Variants in CFAP20DC observed in about 807,000 individuals in gnomAD.
CFAP20DC encodes the protein CFAP20 domain containing, also known as protein CFAP20DC.
In CFAP20DC, 84 loss-of-function variants were observed where a neutral mutation model predicts 101.7. The observed-to-expected ratio is 0.83, with a 90% CI of 0.69 to 0.99. The LOEUF is 0.99. CFAP20DC is among the 50% of genes least tolerant of loss of function. The pLI is 0.00. For missense variants in CFAP20DC, 1,007 were observed against 970.3 expected, an observed-to-expected ratio of 1.04 and a Z score of -0.50; for synonymous variants, 359 against 351.2, an observed-to-expected ratio of 1.02 and a Z score of -0.25.
chr3:58,937,459 G>A (rs762098933), intron 5 of CFAP20DC, among the ~76,000 whole-genome samples, 189 bp downstream of exon 5: 1 of 152,110 alleles, frequency 6.6e-6, no homozygotes, highest in Non-Finnish European at 1.5e-5. Context: ...TTTTATAGAT[G>A]TTCAAATAAT....
chr3:58,840,325 A>C lies in CFAP20DC; in HGVS notation c.1972-8436T>G, dbSNP rs895537320. Among the ~76,000 whole-genome samples the C allele has an allele frequency of 2.0e-5, 3 of 152,336 alleles. No homozygotes were observed. In the South Asian group the frequency reaches 6.2e-4, roughly 32 times the overall value. On this transcript the variant is annotated intron_variant, in intron 13 of 16. Coordinates refer to ENST00000482387, the MANE Select transcript of CFAP20DC (RefSeq NM_001394063.1). ...TAAAGGAAACATTCTCACTATGGTT[A>C]GCATTATGGTTTATGAACTGCTACT...
chr3:58,868,218 A>G lies in CFAP20DC; in HGVS notation c.1016-282T>C, dbSNP rs1267841249. Among the ~76,000 whole-genome samples, 5 of 152,180 alleles carry G rather than the reference A, an allele frequency of 3.3e-5. No homozygotes were observed. The highest frequency in any genetic ancestry group is 4.8e-5 in the African/African-American group (2 of 41,454). On this transcript the variant is annotated intron_variant, in intron 9 of 16. Transcript: ENST00000482387. This position sits in a 1 kb window ranked among gnomAD's most constrained non-coding sequence, Gnocchi z 4.6. ...ACTAATGTTAATCATACAACATGGC[A>G]TATTAAAAAACATTACAAAATGAAA...
intron 14 of CFAP20DC, among the ~76,000 whole-genome samples, chr3:58,806,811 T>C (rs2074105985): frequency 6.6e-6 from 1 of 152,178 alleles, no homozygotes; most frequent in Admixed American, 6.5e-5. Context: ...TTCCCTTTCC[T>C]AGTCAAAGAA....
chr3:58,812,947 C>T (rs1473384171), intron 14 of CFAP20DC, among the ~76,000 whole-genome samples: 1 of 151,774 alleles, frequency 6.6e-6, no homozygotes, highest in Admixed American at 6.6e-5. Flanking sequence ...CAAAACCAAA[C>T]AAGATATCTC....
chr3:58,782,847 T>C (rs1223073237), intron 15 of CFAP20DC, among the ~76,000 whole-genome samples: 1 of 152,044 alleles, frequency 6.6e-6, no homozygotes, highest in Non-Finnish European at 1.5e-5. Context: ...CCAAAAGCAA[T>C]CTACAGATTC....
intron 11 of CFAP20DC, 137 bp downstream of exon 11, chr3:58,866,429 A>G (rs1309213738): frequency 3.1e-6 from 2 of 655,268 alleles, no homozygotes; most frequent in Non-Finnish European, 4.9e-6. Context: ...TTGAGGTTAA[A>G]TAAGAAGATT....
chr3:58,746,006 A>T (rs2068170716), intron 16 of CFAP20DC, among the ~76,000 whole-genome samples: 1 of 152,202 alleles, frequency 6.6e-6, no homozygotes, highest in South Asian at 2.1e-4. Flanking sequence ...CATGGAAAAC[A>T]GGATATGTGA....
chr3:58,974,302 CTT>C (rs1443874032), intron 4 of CFAP20DC, among the ~76,000 whole-genome samples: 2 of 152,070 alleles, frequency 1.3e-5, no homozygotes, highest in Non-Finnish European at 2.9e-5. Context: ...TTGTTCCCCT[CTT>C]TGTGTCTGTG....
rs1050457938 is a variant in CFAP20DC at position 58,964,687 on chromosome 3, G to A, written c.279-26925C>T. Among the ~76,000 whole-genome samples the A allele has an allele frequency of 6.6e-6, 1 of 152,104 alleles. No individual in the cohort carries two copies. The highest frequency in any genetic ancestry group is 2.4e-5 in the African/African-American group (1 of 41,410). The stretch of plus-strand genomic sequence containing the variant: ...CTTATTTACATATTTTTGGTTTTGT[G>A]TGTACATCAAATTGCACACACATTT... On this transcript the variant is annotated intron_variant, in intron 4 of 16. Transcript: ENST00000482387. This position sits in a 1 kb window ranked among gnomAD's most constrained non-coding sequence, Gnocchi z 4.1.
Position 58,831,824 on chromosome 3 carries a change from G to T in CFAP20DC, c.2037C>A (p.Ser679Arg). Reference protein sequence around the residue: ...MSESELQMLASLRWQQNEELE... With the variant: ...MSESELQMLARLRWQQNEELE... Reference sequence around the variant, plus strand: ...GTTCTTCATTTTGTTGCCACCGTAGGCTTGCTAGCATCTGTAACTCGGATT... The same window carrying T: ...GTTCTTCATTTTGTTGCCACCGTAGTCTTGCTAGCATCTGTAACTCGGATT... The change falls in exon 14 of 17, where the codon AGC becomes AGA. Residue 679 changes from serine to arginine, a missense_variant. Ser to Arg is a moderately radical substitution (Grantham distance 110). Coordinates refer to ENST00000482387, the MANE Select transcript of CFAP20DC (RefSeq NM_001394063.1). 2.5e-6 allele frequency: 4 copies of T among 1,614,064 alleles called. No homozygotes were observed. Among genetic ancestry groups the T allele is most frequent in the Non-Finnish European group, 2.5e-6 (3 of 1,179,980 alleles).
rs899825150 is a variant in CFAP20DC at position 58,864,465 on chromosome 3, T to G, written c.1259-573A>C. Reference sequence around the variant, plus strand: ...AAACACTGACCAGGAAATTTGTAAGTCTGAAATAATTATCACCTGTCTTGC... The same window carrying G: ...AAACACTGACCAGGAAATTTGTAAGGCTGAAATAATTATCACCTGTCTTGC... On this transcript the variant is annotated intron_variant, in intron 11 of 16. Transcript: ENST00000482387. This position sits in a 1 kb window ranked among gnomAD's most constrained non-coding sequence, Gnocchi z 4.7. Among the ~76,000 whole-genome samples, 8 of 152,196 alleles carry G rather than the reference T, an allele frequency of 5.3e-5. No individual in the cohort carries two copies. Among genetic ancestry groups the G allele is most frequent in the African/African-American group, 1.9e-4 (8 of 41,448 alleles).
chr3:59,003,703 G>T (rs1448197597), intron 4 of CFAP20DC, among the ~76,000 whole-genome samples: 1 of 152,190 alleles, frequency 6.6e-6, no homozygotes, highest in Non-Finnish European at 1.5e-5. Context: ...GACAGACTAT[G>T]CCTGATAATG....
chr3:58,863,383 AG>A lies in CFAP20DC; in HGVS notation c.1593+174del. On this transcript the variant is annotated intron_variant, in intron 12 of 16. Transcript: ENST00000482387. This position sits in a 1 kb window ranked among gnomAD's most constrained non-coding sequence, Gnocchi z 5.9. ...CTGACTGTTAATTAAAAAAAAAAAA[AG>A]ACAGTTTAAAGTTACCATAACAACC... The A allele has an allele frequency of 4.3e-6, 6 of 1,384,172 alleles. No individual in the cohort carries two copies. The highest frequency in any genetic ancestry group is 5.3e-5 in the East Asian group (2 of 37,920). 85.7% of individuals were successfully genotyped at this position (1,384,172 alleles called of 1,614,324 possible).
intron 15 of CFAP20DC, among the ~76,000 whole-genome samples, chr3:58,766,333 G>C (rs1400608271): frequency 6.6e-6 from 1 of 152,166 alleles, no homozygotes; most frequent in Admixed American, 6.5e-5. Flanking sequence ...GAAAGGAACT[G>C]TGAAGTAGAC....
intron 6 of CFAP20DC, among the ~76,000 whole-genome samples, chr3:58,898,288 C>T (rs2082841634): frequency 6.6e-6 from 1 of 152,030 alleles, no homozygotes; most frequent in Admixed American, 6.5e-5. Flanking sequence ...GATTCCCCTG[C>T]CTTAGCCTCC....
In CFAP20DC at chr3:59,015,546, A is replaced by C. The variant is rs1313430600; in HGVS notation, c.278+24011T>G. Among the ~76,000 whole-genome samples, 2 of 151,808 alleles carry C rather than the reference A, an allele frequency of 1.3e-5. No homozygotes were observed. Among genetic ancestry groups the C allele is most frequent in the Non-Finnish European group, 2.9e-5 (2 of 67,902 alleles). ...AGAAAGAAAAAGGAAGAGGAAAAGAAGGAAAGAGGAAGGAGGAGGGTTGGA... is the reference window on the plus strand; with the variant it reads ...AGAAAGAAAAAGGAAGAGGAAAAGACGGAAAGAGGAAGGAGGAGGGTTGGA... On this transcript the variant is annotated intron_variant, in intron 4 of 16. Transcript: ENST00000482387. This position sits in a 1 kb window ranked among gnomAD's most constrained non-coding sequence, Gnocchi z 5.4.
At chr3:58,974,609 A>C (rs1304906530) in intron 4 of CFAP20DC, among the ~76,000 whole-genome samples, 1 of 152,092 alleles carries the variant, frequency 6.6e-6, no homozygotes, top group Non-Finnish European at 1.5e-5. Context: ...GGCCAACCTG[A>C]AGATTCATTC....
chr3:58,758,178 T>C (rs544402635), intron 15 of CFAP20DC, among the ~76,000 whole-genome samples: 1 of 152,310 alleles, frequency 6.6e-6, no homozygotes, highest in African/African-American at 2.4e-5. Context: ...ACTTTATGTA[T>C]GTTTAATAAT....
intron 13 of CFAP20DC, among the ~76,000 whole-genome samples, chr3:58,837,554 G>A (rs1310311629): frequency 1.3e-5 from 2 of 152,120 alleles, no homozygotes; most frequent in East Asian, 1.9e-4. Context: ...TTCAGTTTGT[G>A]AAAACTCATC....
Sources: gnomAD v4.1 joint callset for allele counts (sites outside exome capture counted in the v4.1 genomes callset) on GRCh38, gnomAD v4.1.1 for gene constraint, Gnocchi (gnomAD v3.1) non-coding constraint, MANE v1.5 for transcripts, NCBI Gene and HGNC (gene_info 2026-07-23, HGNC 2026-07-21) for gene names.